CD44: variants seen among roughly 807,000 people sequenced by gnomAD.
The protein encoded by CD44 is CD44 molecule (IN blood group), also known as CD44 antigen.
In CD44, 49 loss-of-function variants were observed where a neutral mutation model predicts 88.8. That is an observed-to-expected ratio of 0.55 (90% confidence interval 0.44 to 0.70). The LOEUF is 0.70. Ranked by LOEUF, CD44 falls within the 30% of genes least tolerant of loss-of-function variation. The pLI is 0.00. For synonymous variants in CD44, 325 were observed against 312.3 expected, an observed-to-expected ratio of 1.04 and a Z score of -0.43; for missense variants, 883 against 913.8, an observed-to-expected ratio of 0.97 and a Z score of 0.43.
rs769387767 is a variant in CD44, at chr11:35,201,745, G to A, written c.1111G>A (p.Glu371Lys). The change falls in exon 9 of 18, where the codon GAG becomes AAG. Residue 371 changes from glutamate (E) to lysine (K), a missense_variant. Transcript: ENST00000428726. ...PEAHPPLIHHEHHEEEETPHS... is the reference protein window; with the variant it reads ...PEAHPPLIHHKHHEEEETPHS... ...AGCACACCCTCCCCTCATTCACCAT[G>A]AGCATCATGAGGAAGAAGAGACCCC... 4.0e-5 allele frequency: 64 copies of A among 1,613,596 alleles called. No homozygotes were observed. The highest frequency in any genetic ancestry group is 4.6e-5 in the Non-Finnish European group (54 of 1,179,680).
intron 17 of CD44, among the ~76,000 whole-genome samples, chr11:35,222,136 T>C (rs1365202729): frequency 6.6e-6 from 1 of 152,230 alleles, no homozygotes; most frequent in Non-Finnish European, 1.5e-5. Flanking sequence ...ATATACTCAT[T>C]CATTGATTTG....
chr11:35,179,657 G>A (rs1345582656), intron 2 of CD44, among the ~76,000 whole-genome samples: 2 of 152,138 alleles, frequency 1.3e-5, no homozygotes, highest in Non-Finnish European at 2.9e-5. Context: ...ACTGGCAATA[G>A]AATTATGCCT....
rs1946951428 is a variant in CD44 at position 35,198,236 on chromosome 11, C to T, written c.912C>T (p.Ile304=). 2 of 1,613,888 alleles carry T rather than the reference C, an allele frequency of 1.2e-6. No individual in the cohort carries two copies. The highest frequency in any genetic ancestry group is 1.7e-5 in the Admixed American group (1 of 60,024). ...GSGIDDDEDF[I]SSTISTTPRA... ...GCATTGATGATGATGAAGATTTTAT[C>T]TCCAGCACCAGTAAGAATAATCAAT... The change falls in exon 7 of 18, where the codon ATC becomes ATT. Residue 304 remains isoleucine, a synonymous_variant. Transcript: ENST00000428726.
chr11:35,188,806 C>T (rs1474889400), intron 4 of CD44, among the ~76,000 whole-genome samples: 1 of 151,976 alleles, frequency 6.6e-6, no homozygotes, highest in African/African-American at 2.4e-5. Flanking sequence ...GGTGTGGTGG[C>T]ATGCACCTGT....
intron 5 of CD44, among the ~76,000 whole-genome samples, chr11:35,191,323 A>G (rs1946252683): frequency 6.6e-6 from 1 of 152,226 alleles, no homozygotes; most frequent in Admixed American, 6.5e-5. Context: ...GCATGATACA[A>G]ATAGGCTTGG....
intron 5 of CD44, among the ~76,000 whole-genome samples, chr11:35,193,560 C>T (rs754035162): frequency 2.6e-5 from 4 of 152,108 alleles, no homozygotes; most frequent in East Asian, 1.9e-4. Context: ...GAGGACATAA[C>T]GTAGATTTTC....
chr11:35,180,453 C>G lies in CD44; in HGVS notation c.367+46C>G, dbSNP rs777054023. The G allele has an allele frequency of 5.6e-6, 9 of 1,611,106 alleles. No individual in the cohort carries two copies. In the East Asian group the frequency reaches 1.8e-4, roughly 32 times the overall value. On this transcript the variant is annotated intron_variant, in intron 3 of 17. Coordinates refer to ENST00000428726, the MANE Select transcript of CD44 (RefSeq NM_000610.4). The stretch of plus-strand genomic sequence containing the variant: ...CTGTTGGCGTGAAAGGCTGTGGGAG[C>G]CTGGTCTTTGGAGCTCAGCTTAAGT...
intron 14 of CD44, chr11:35,214,623 C>T (rs1948672901): frequency 2.6e-6 from 1 of 378,912 alleles, no homozygotes; most frequent in Non-Finnish European, 4.7e-6. Context: ...CTTTGCTGCC[C>T]CAGTTTCCTT....
At chr11:35,200,130 A>G (rs1408176501) in intron 7 of CD44, among the ~76,000 whole-genome samples, 2 of 152,012 alleles carry the variant, frequency 1.3e-5, no homozygotes, top group Admixed American at 6.6e-5. Context: ...AATGTGGTTA[A>G]TGATTCTAAA....
At chr11:35,141,104 G>A (rs1396897587) in intron 1 of CD44, among the ~76,000 whole-genome samples, 1 of 152,058 alleles carries the variant, frequency 6.6e-6, no homozygotes, top group Non-Finnish European at 1.5e-5. Flanking sequence ...TTTTCCATGT[G>A]TTATCTCATT....
At chr11:35,141,598 C>T (rs1400118853) in intron 1 of CD44, among the ~76,000 whole-genome samples, 1 of 152,200 alleles carries the variant, frequency 6.6e-6, no homozygotes. Flanking sequence ...CTCCCCGTTC[C>T]TTCTAAAAGG....
At chr11:35,152,510 G>T (rs1327256274) in intron 1 of CD44, among the ~76,000 whole-genome samples, 1 of 152,194 alleles carries the variant, frequency 6.6e-6, no homozygotes. Context: ...ACCATTTGGG[G>T]ATAATAATCC....
intron 7 of CD44, 85 bp downstream of exon 7, chr11:35,198,331 AGTAGTT>A: frequency 1.5e-6 from 2 of 1,319,208 alleles, no homozygotes; most frequent in Admixed American, 1.9e-5. Context: ...TCTCTTGAGA[AGTAGTT>A]AATGTGAAAA....
At chr11:35,198,433 A>G (rs58757235) in intron 7 of CD44, 187 bp downstream of exon 7, 14,566 of 531,806 alleles carry the variant, frequency 0.027, 1,678 homozygotes, top group African/African-American at 0.25. Flanking sequence ...TGGGGAAAAT[A>G]TCTCACAAAA....
intron 1 of CD44, among the ~76,000 whole-genome samples, chr11:35,160,649 C>A (rs867215428): frequency 2.6e-5 from 4 of 152,182 alleles, no homozygotes; most frequent in African/African-American, 9.6e-5. Context: ...GTAAACGAGG[C>A]CTCTGAAGGT....
intron 3 of CD44, among the ~76,000 whole-genome samples, chr11:35,183,722 T>C (rs1945381699): frequency 6.6e-6 from 1 of 152,154 alleles, no homozygotes; most frequent in South Asian, 2.1e-4. Context: ...TTTCAGTGGT[T>C]GAGGCCCAAC....
At chr11:35,161,090 A>G (rs2133337638) in intron 1 of CD44, among the ~76,000 whole-genome samples, 1 of 152,356 alleles carries the variant, frequency 6.6e-6, no homozygotes, top group Non-Finnish European at 1.5e-5. Flanking sequence ...ACCAGTTAAT[A>G]AAGAATTAAG....
chr11:35,213,043 C>T (rs1217846723), intron 14 of CD44, among the ~76,000 whole-genome samples: 1 of 151,696 alleles, frequency 6.6e-6, no homozygotes, highest in African/African-American at 2.4e-5. Context: ...AGGCTGGTCT[C>T]GAACTCCTGA....
At chr11:35,170,465 C>T (rs1943752271) in intron 1 of CD44, among the ~76,000 whole-genome samples, 1 of 152,156 alleles carries the variant, frequency 6.6e-6, no homozygotes, top group Admixed American at 6.5e-5. Flanking sequence ...TGCCCACAGC[C>T]CTATAGTAAT....
Sources: allele counts gnomAD v4.1 joint callset (sites outside exome capture counted in the v4.1 genomes callset), GRCh38; gene constraint gnomAD v4.1.1; transcripts MANE v1.5; gene names NCBI Gene and HGNC (gene_info 2026-07-23, HGNC 2026-07-21).